SLIT2: variants seen among roughly 807,000 people sequenced by gnomAD.
The protein encoded by SLIT2 is slit homolog 2 protein.
In SLIT2, 41 loss-of-function variants were observed where a neutral mutation model predicts 185.7. The ratio of observed to expected loss-of-function variants is 0.22; its 90% confidence interval spans 0.17 to 0.29. The LOEUF (loss-of-function observed/expected upper bound fraction) is 0.29. Ranked by LOEUF, SLIT2 falls within the 10% of genes least tolerant of loss-of-function variation. The pLI is 1.00. For missense variants in SLIT2, 1,571 were observed against 1,909.0 expected (o/e 0.82, Z 3.30); for synonymous variants, 693 against 680.2 (o/e 1.02, Z -0.29).
chr4:20,608,564 A>T (rs1002080404), intron 33 of SLIT2, among the ~76,000 whole-genome samples: 1 of 152,186 alleles, frequency 6.6e-6, no homozygotes, highest in African/African-American at 2.4e-5. Context: ...GTTTCCTGAG[A>T]CAGGCTATCA....
At chr4:20,579,309 A>T (rs895543714) in intron 29 of SLIT2, among the ~76,000 whole-genome samples, 4 of 152,028 alleles carry the variant, frequency 2.6e-5, no homozygotes, top group African/African-American at 9.7e-5. Flanking sequence ...GGGAAAAAAA[A>T]AAAAAATAGC....
chr4:20,527,236 A>G lies in SLIT2; in HGVS notation c.1463-1713A>G, dbSNP rs554695775. 5.3e-5 allele frequency among the ~76,000 whole-genome samples: 8 copies of G among 152,076 alleles called. No individual in the cohort carries two copies. In the East Asian group the frequency reaches 1.5e-3, roughly 29 times the overall value. On this transcript the variant is annotated intron_variant, in intron 15 of 36. Coordinates refer to ENST00000504154, the MANE Select transcript of SLIT2 (RefSeq NM_004787.4). ...GTGTGTACCTCGCTACTACCATTTT[A>G]TATGGCACTCTACATATTACAGTGA...
chr4:20,295,545 C>G (rs1484816297), intron 4 of SLIT2, among the ~76,000 whole-genome samples: 1 of 152,148 alleles, frequency 6.6e-6, no homozygotes, highest in Non-Finnish European at 1.5e-5. Flanking sequence ...ACCGTCAGCT[C>G]TCTTAGTAGT....
chr4:20,365,225 G>C (rs573350715), intron 4 of SLIT2, among the ~76,000 whole-genome samples: 12 of 152,018 alleles, frequency 7.9e-5, no homozygotes, highest in Non-Finnish European at 1.2e-4. Context: ...TAACATTCCC[G>C]TATCAGTTAA....
At chr4:20,448,385 G>A (rs1184167744) in intron 4 of SLIT2, among the ~76,000 whole-genome samples, 6 of 152,018 alleles carry the variant, frequency 3.9e-5, no homozygotes, top group South Asian at 4.1e-4. Context: ...GCAGCAGCGC[G>A]ATCTTGGCTC....
chr4:20,483,882 C>T (rs1293693071), intron 6 of SLIT2, among the ~76,000 whole-genome samples: 1 of 152,020 alleles, frequency 6.6e-6, no homozygotes, highest in African/African-American at 2.4e-5. Context: ...ATAACATACA[C>T]AAGTAATCAT....
At chr4:20,382,261 A>G (rs1724588585) in intron 4 of SLIT2, among the ~76,000 whole-genome samples, 1 of 152,146 alleles carries the variant, frequency 6.6e-6, no homozygotes, top group African/African-American at 2.4e-5. Flanking sequence ...ATCCTCCAAT[A>G]TGGTGAAATG....
chr4:20,514,014 G>A (rs1249419091), intron 11 of SLIT2, among the ~76,000 whole-genome samples: 1 of 152,198 alleles, frequency 6.6e-6, no homozygotes. Flanking sequence ...ATTAGGGTGG[G>A]AGAGGAAAGC....
At chr4:20,526,993 C>T (rs904621393) in intron 15 of SLIT2, among the ~76,000 whole-genome samples, 3 of 152,172 alleles carry the variant, frequency 2.0e-5, no homozygotes, top group Admixed American at 6.5e-5. Context: ...ACACCAGATC[C>T]TCAGTAAATA....
chr4:20,493,814 G>T (rs1471558910), intron 9 of SLIT2, among the ~76,000 whole-genome samples: 1 of 152,150 alleles, frequency 6.6e-6, no homozygotes, highest in African/African-American at 2.4e-5. Flanking sequence ...AGAAGTCTTT[G>T]TGTAGAAATA....
At chr4:20,454,708 C>A (rs1279431908) in intron 4 of SLIT2, among the ~76,000 whole-genome samples, 1 of 152,090 alleles carries the variant, frequency 6.6e-6, no homozygotes, top group Non-Finnish European at 1.5e-5. Context: ...GACACTTTCA[C>A]ATAAAGTGAA....
In SLIT2 at chr4:20,607,991, C is replaced by T. The variant is rs534938363; in HGVS notation, c.3693-2022C>T. ...CCCAAAGAAGTTGTTATATTTCTGC[C>T]AGCCTTTAACATTATCTTACAATCA... On this transcript the variant is annotated intron_variant, in intron 33 of 36. Transcript: ENST00000504154. 2.0e-5 allele frequency among the ~76,000 whole-genome samples: 3 copies of T among 152,142 alleles called. No homozygotes were observed. The South Asian group carries it at 6.2e-4, about 32-fold the overall frequency.
intron 4 of SLIT2, among the ~76,000 whole-genome samples, chr4:20,321,046 T>G (rs1403401386): frequency 6.6e-6 from 1 of 152,102 alleles, no homozygotes; most frequent in African/African-American, 2.4e-5. Context: ...ATCCAGCTAC[T>G]TGAAAGGGAG....
intron 9 of SLIT2, among the ~76,000 whole-genome samples, chr4:20,499,271 T>A (rs1298035695): frequency 2.0e-5 from 3 of 152,182 alleles, no homozygotes; most frequent in Non-Finnish European, 4.4e-5. Flanking sequence ...CCTTGTAGAT[T>A]CTGGATATTA....
chr4:20,348,689 C>G (rs1328868218), intron 4 of SLIT2, among the ~76,000 whole-genome samples: 7 of 152,124 alleles, frequency 4.6e-5, no homozygotes. Flanking sequence ...CAACTGTAAT[C>G]CCAGGTGACT....
At chr4:20,384,920 A>G (rs190060462) in intron 4 of SLIT2, among the ~76,000 whole-genome samples, 42 of 152,318 alleles carry the variant, frequency 2.8e-4, no homozygotes, top group African/African-American at 1.0e-3. Flanking sequence ...AAACATTTTC[A>G]TGGGTGCAAG....
intron 11 of SLIT2, among the ~76,000 whole-genome samples, chr4:20,511,587 A>ATTTTTTTTTTAT (rs1719727256): frequency 3.6e-5 from 3 of 82,216 alleles, no homozygotes; most frequent in South Asian, 9.0e-4. Context: ...CATCCAGCTA[A>ATTTTTTTTTTAT]TTTTTTTTTT....
chr4:20,383,321 A>G (rs1435718952), intron 4 of SLIT2, among the ~76,000 whole-genome samples: 1 of 152,210 alleles, frequency 6.6e-6, no homozygotes, highest in Non-Finnish European at 1.5e-5. Flanking sequence ...TTAAAAATAC[A>G]TATCTGATAA....
Position 20,617,500 on chromosome 4 carries a change from G to C in SLIT2, c.4198G>C (p.Gly1400Arg), listed in dbSNP as rs201746227. The C allele has an allele frequency of 6.8e-6, 11 of 1,613,964 alleles. No homozygotes were observed. The highest frequency in any genetic ancestry group is 8.5e-6 in the Non-Finnish European group (10 of 1,180,010). ...CTCCTACAGCTGTAAGTGCTTGGAG[G>C]GCCATGGAGGTGTCCTCTGTGATGA... ...AFSYSCKCLE[G>R]HGGVLCDEEE... The change falls in exon 36 of 37, where the codon GGC becomes CGC. Residue 1400 changes from glycine (G) to arginine (R), a missense_variant. Gly to Arg is a moderately radical substitution (Grantham distance 125). Transcript: ENST00000504154.
Sources: gnomAD v4.1 joint callset for allele counts (sites outside exome capture counted in the v4.1 genomes callset) on GRCh38, gnomAD v4.1.1 for gene constraint, MANE v1.5 for transcripts, NCBI Gene and HGNC (gene_info 2026-07-23, HGNC 2026-07-21) for gene names.